Variants in GRIP1 observed in about 807,000 individuals in gnomAD.
The protein encoded by GRIP1 is glutamate receptor interacting protein 1.
GRIP1 carries 45 observed loss-of-function variants against 129.9 expected under a neutral mutation model. That is an observed-to-expected ratio of 0.35 (90% confidence interval 0.27 to 0.44). The LOEUF (loss-of-function observed/expected upper bound fraction) is 0.44. Ranked by LOEUF, GRIP1 falls within the 20% of genes least tolerant of loss-of-function variation. The pLI is 1.00. For missense variants in GRIP1, 1,196 were observed against 1,396.8 expected (o/e 0.86, Z 2.29); for synonymous variants, 530 against 520.8 (o/e 1.02, Z -0.24).
intron 7 of GRIP1, among the ~76,000 whole-genome samples, chr12:66,508,231 G>A (rs2060597986): frequency 1.3e-5 from 2 of 152,054 alleles, no homozygotes; most frequent in African/African-American, 2.4e-5. Flanking sequence ...TACACATACC[G>A]CTTAATGATG....
chr12:67,054,473 A>G (rs2043399786), intron 1 of GRIP1, among the ~76,000 whole-genome samples: 1 of 152,110 alleles, frequency 6.6e-6, no homozygotes, highest in Non-Finnish European at 1.5e-5. Context: ...TAAAAACACT[A>G]CAGCTGGGGG....
intron 1 of GRIP1, among the ~76,000 whole-genome samples, chr12:66,983,130 C>A (rs1230898154): frequency 6.6e-6 from 1 of 152,150 alleles, no homozygotes; most frequent in Non-Finnish European, 1.5e-5. Flanking sequence ...TCCCTTATGG[C>A]ATTACGGCAG....
At chr12:66,530,965 G>A (rs566772504) in intron 4 of GRIP1, among the ~76,000 whole-genome samples, 49 of 151,728 alleles carry the variant, frequency 3.2e-4, no homozygotes, top group Non-Finnish European at 4.4e-4. Flanking sequence ...GGCCAGGCGC[G>A]GTGGCTCACG....
intron 1 of GRIP1, among the ~76,000 whole-genome samples, chr12:66,940,892 C>T (rs1482809754): frequency 6.6e-6 from 1 of 151,948 alleles, no homozygotes; most frequent in African/African-American, 2.4e-5. Context: ...GCTTTAAATT[C>T]TTTGTGGAAA....
rs1169241331 is a variant in GRIP1 at position 66,401,609 on chromosome 12, T to TATATATATATACACAC, written c.1984+4673_1984+4674insGTGTGTATATATATAT. On this transcript the variant is annotated intron_variant, in intron 16 of 24. Transcript: ENST00000359742. The stretch of plus-strand genomic sequence containing the variant: ...AAAAAAATATGTGTGTATATATATA[T>TATATATATATACACAC]ACACACACACACACACACACACACA... 3.6e-3 allele frequency among the ~76,000 whole-genome samples: 401 copies of TATATATATATACACAC among 110,156 alleles called. 2 individuals carry two copies. The highest frequency in any genetic ancestry group is 0.014 in the East Asian group (47 of 3,364). The allele number at this position is 110,156 out of a possible 152,430, so 72.3% of individuals were successfully genotyped here. A position where few individuals can be genotyped will look rare whatever the true frequency, so the allele number is the denominator to read the frequency against.
intron 1 of GRIP1, among the ~76,000 whole-genome samples, chr12:66,920,526 T>A (rs1228480605): frequency 1.3e-5 from 2 of 152,126 alleles, no homozygotes; most frequent in Admixed American, 1.3e-4. Flanking sequence ...CACTGTCCAG[T>A]GACTGGAGGG....
chr12:67,043,576 G>A (rs993994346), intron 1 of GRIP1, among the ~76,000 whole-genome samples: 3 of 152,068 alleles, frequency 2.0e-5, no homozygotes, highest in African/African-American at 4.8e-5. Context: ...ATTAAGTGGC[G>A]TTTGGCTTCC....
chr12:66,567,471 C>T (rs1028307110), intron 2 of GRIP1: 8 of 152,206 alleles, frequency 5.3e-5, no homozygotes, highest in Non-Finnish European at 1.2e-4. Flanking sequence ...CAAACTGTCT[C>T]TCAGACCACA....
chr12:66,915,889 T>C (rs2041113127), intron 1 of GRIP1, among the ~76,000 whole-genome samples: 1 of 152,154 alleles, frequency 6.6e-6, no homozygotes, highest in South Asian at 2.1e-4. Context: ...CAGCCAAAAT[T>C]GGAAGCAAAG....
rs745695853 is a variant in GRIP1 at position 66,441,444 on chromosome 12, G to A, written c.1687+3140C>T. On this transcript the variant is annotated intron_variant, in intron 13 of 24. Coordinates refer to ENST00000359742, the MANE Select transcript of GRIP1 (RefSeq NM_001366722.1). ...CTGTGACTTTAACCATCACTGCCAT[G>A]TTGGTTATTCCTCGGTCTTGCTATC... Among the ~76,000 whole-genome samples, 11 of 152,020 alleles carry A rather than the reference G, an allele frequency of 7.2e-5. 1 individual carries two copies. The highest frequency in any genetic ancestry group is 1.6e-4 in the Non-Finnish European group (11 of 68,020).
rs755197626 is a variant in GRIP1 at position 66,379,408 on chromosome 12, A to G, written c.2493T>C (p.Asn831=). The change falls in exon 20 of 25, where the codon AAT becomes AAC. Residue 831 remains asparagine, a synonymous_variant. Transcript: ENST00000359742. ...GACTCCTCCAGTCATAGGTGTTGAAATTGTATCCTGAGGCCTGAAAACTAG... is the reference window on the plus strand; with the variant it reads ...GACTCCTCCAGTCATAGGTGTTGAAGTTGTATCCTGAGGCCTGAAAACTAG... ...QGTSFQASGY[N]FNTYDWRSPK... The G allele has an allele frequency of 2.5e-5, 41 of 1,614,080 alleles. No homozygotes were observed. In the Middle Eastern group the frequency reaches 4.9e-4, roughly 19 times the overall value.
chr12:66,906,487 T>C lies in GRIP1; in HGVS notation c.58+162563A>G, dbSNP rs112978339. On this transcript the variant is annotated intron_variant, in intron 1 of 1. Transcript: ENST00000643019. ...CAGATTTCCCACTTTCTCTTATTAT[T>C]TTATATATCTTCCTTATTACTCTCA... Among the ~76,000 whole-genome samples, 477 of 152,232 alleles carry C rather than the reference T, an allele frequency of 3.1e-3. 1 individual carries two copies. Among genetic ancestry groups the C allele is most frequent in the African/African-American group, 0.011 (455 of 41,538 alleles).
intron 1 of GRIP1, among the ~76,000 whole-genome samples, chr12:66,787,451 T>C (rs764214107): frequency 6.6e-6 from 1 of 152,188 alleles, no homozygotes; most frequent in Non-Finnish European, 1.5e-5. Flanking sequence ...ATGAGTTGAA[T>C]GTCTGTGTCT....
chr12:66,953,653 G>A (rs2041794855), intron 1 of GRIP1, among the ~76,000 whole-genome samples: 1 of 152,162 alleles, frequency 6.6e-6, no homozygotes, highest in South Asian at 2.1e-4. Flanking sequence ...TTACTGCTCT[G>A]ATGCTCACGG....
At chr12:67,053,619 C>T (rs1394993364) in intron 1 of GRIP1, among the ~76,000 whole-genome samples, 1 of 152,010 alleles carries the variant, frequency 6.6e-6, no homozygotes, top group Admixed American at 6.6e-5. Flanking sequence ...GCGGGTATAT[C>T]ACCTAAGGTC....
At chr12:67,057,017 G>T (rs2043448539) in intron 1 of GRIP1, among the ~76,000 whole-genome samples, 1 of 152,010 alleles carries the variant, frequency 6.6e-6, no homozygotes, top group Non-Finnish European at 1.5e-5. Context: ...CACCATTGTT[G>T]GTCAGGCTGG....
At chr12:66,890,558 A>C (rs901167696) in intron 1 of GRIP1, among the ~76,000 whole-genome samples, 1 of 152,240 alleles carries the variant, frequency 6.6e-6, no homozygotes, top group Non-Finnish European at 1.5e-5. Context: ...TGGGTGTCAG[A>C]GAAAGATGAC....
chr12:66,881,061 G>C (rs1263323709), intron 1 of GRIP1, among the ~76,000 whole-genome samples: 1 of 151,856 alleles, frequency 6.6e-6, no homozygotes, highest in Non-Finnish European at 1.5e-5. Flanking sequence ...GGACTAAAGG[G>C]AGTTTTCACT....
intron 1 of GRIP1, among the ~76,000 whole-genome samples, chr12:66,760,948 A>G (rs982740319): frequency 6.6e-6 from 1 of 151,668 alleles, no homozygotes; most frequent in Non-Finnish European, 1.5e-5. Flanking sequence ...GAAAGCTTTG[A>G]GCTCTATGGA....
Sources: gnomAD v4.1 joint callset for allele counts (sites outside exome capture counted in the v4.1 genomes callset) on GRCh38, gnomAD v4.1.1 for gene constraint, MANE v1.5 for transcripts, NCBI Gene and HGNC (gene_info 2026-07-23, HGNC 2026-07-21) for gene names.